Variants in ABCC8 observed in about 807,000 individuals in gnomAD.
The protein encoded by ABCC8 is ATP binding cassette subfamily C member 8, also known as ATP-binding cassette sub-family C member 8.
ABCC8 carries 137 observed loss-of-function variants against 188.0 expected under a neutral mutation model. The ratio of observed to expected loss-of-function variants is 0.73; its 90% CI spans 0.63 to 0.84. The LOEUF (loss-of-function observed/expected upper bound fraction) is 0.84. Among genes scored for constraint, ABCC8 ranks in the 40% least tolerant of loss-of-function variants. The probability of loss-of-function intolerance (pLI) is 0.00; values close to 1 mark genes in which losing one functional copy is unlikely to be tolerated. For synonymous variants in ABCC8, 797 were observed against 846.5 expected, an observed-to-expected ratio of 0.94 and a Z score of 1.01; for missense variants, 1,750 against 2,072.7, an observed-to-expected ratio of 0.84 and a Z score of 3.02.
At position 17,394,367 on chromosome 11, in the gene ABCC8, T is replaced by C; in HGVS notation, c.4444A>G (p.Ser1482Gly). 2 of 1,614,168 alleles carry C rather than the reference T, an allele frequency of 1.2e-6. No homozygotes were observed. The highest frequency in any genetic ancestry group is 8.5e-7 in the Non-Finnish European group (1 of 1,180,038). Residue 1482 changes from serine (S) to glycine (G), a missense_variant, in exon 37 of 39, where the codon AGC becomes GGC. Physicochemically the swap from Ser to Gly is moderately conservative, Grantham distance 56. Coordinates refer to ENST00000389817, the MANE Select transcript of ABCC8 (RefSeq NM_000352.6). Reference sequence around the variant, plus strand: ...CAGAACAGCTGCCTCTGTCCCTGGCTGAAATTCTCCCCGCCTTCTGTGATG... The same window carrying C: ...CAGAACAGCTGCCTCTGTCCCTGGCCGAAATTCTCCCCGCCTTCTGTGATG... ...AIITEGGENF[S>G]QGQRQLFCLA...
chr11:17,470,341 G>A, intron 2 of ABCC8, 119 bp from the exon 3 acceptor site: 1 of 1,539,604 alleles, frequency 6.5e-7, no homozygotes. Context: ...TTTATAGGCT[G>A]CAGGGCCCTT....
chr11:17,466,492 C>T (rs546915836), intron 3 of ABCC8, among the ~76,000 whole-genome samples: 9 of 151,300 alleles, frequency 5.9e-5, no homozygotes, highest in African/African-American at 1.7e-4. Context: ...GAATGGTGGT[C>T]GTCAGGGGCT....
chr11:17,463,309 A>T, intron 4 of ABCC8, 129 bp downstream of exon 4: 4 of 802,294 alleles, frequency 5.0e-6, no homozygotes, highest in Non-Finnish European at 8.1e-6. Context: ...TCCCCTTTAC[A>T]CGGGCGGGTA....
chr11:17,442,172 C>G (rs964493447), intron 10 of ABCC8, among the ~76,000 whole-genome samples: 9 of 152,158 alleles, frequency 5.9e-5, no homozygotes, highest in African/African-American at 1.9e-4. Flanking sequence ...TTTTCTTCTT[C>G]CTTGGCTTGG....
chr11:17,448,386 G>A, intron 8 of ABCC8, 130 bp downstream of exon 8: 1 of 824,960 alleles, frequency 1.2e-6, no homozygotes, highest in Non-Finnish European at 2.1e-6. Flanking sequence ...CTGTGGTATA[G>A]CCAAGTGTGT....
At chr11:17,459,472 T>C (rs1957108680) in intron 6 of ABCC8, among the ~76,000 whole-genome samples, 1 of 152,208 alleles carries the variant, frequency 6.6e-6, no homozygotes, top group Non-Finnish European at 1.5e-5. Flanking sequence ...ACTAATTATG[T>C]CTCCAGAAAA....
intron 24 of ABCC8, 85 bp downstream of exon 24, chr11:17,407,269 C>T: frequency 6.2e-7 from 1 of 1,611,826 alleles, no homozygotes; most frequent in Non-Finnish European, 8.5e-7. Context: ...CACTACTGCA[C>T]CACACCCAGA....
chr11:17,421,917 C>T (rs761071940), intron 16 of ABCC8, among the ~76,000 whole-genome samples: 3 of 152,214 alleles, frequency 2.0e-5, no homozygotes, highest in Non-Finnish European at 4.4e-5. Flanking sequence ...TCCTGGAACT[C>T]CTTCTGGCTG....
intron 16 of ABCC8, among the ~76,000 whole-genome samples, chr11:17,421,340 G>A (rs984748274): frequency 2.0e-5 from 3 of 152,206 alleles, no homozygotes; most frequent in African/African-American, 4.8e-5. Flanking sequence ...ATGGAGAAGA[G>A]GGGTAGTGAA....
chr11:17,465,080 C>T (rs1004525510), intron 3 of ABCC8, among the ~76,000 whole-genome samples: 2 of 152,204 alleles, frequency 1.3e-5, no homozygotes, highest in Admixed American at 6.5e-5. Context: ...CCTTGGGTCC[C>T]TGCAGGAGGA....
At position 17,396,181 on chromosome 11, in the gene ABCC8, T is replaced by TGGTGGGC. The variant is rs1169861829; in HGVS notation, c.4120-252_4120-251insGCCCACC. ...CCATTTGCCTGGGCCTTGGTGTGGGTCTGGGTGTGCCGGGTACTTGGCTGA... is the reference window on the plus strand; with the variant it reads ...CCATTTGCCTGGGCCTTGGTGTGGGTGGTGGGCCTGGGTGTGCCGGGTACTTGGCTGA... On this transcript the variant is annotated intron_variant, in intron 33 of 38. Coordinates refer to ENST00000389817, the MANE Select transcript of ABCC8 (RefSeq NM_000352.6). 1.1e-5 allele frequency: 9 copies of TGGTGGGC among 837,916 alleles called. No individual in the cohort carries two copies. In the African/African-American group the frequency reaches 1.6e-4, roughly 14 times the overall value. The allele number at this position is 837,916 out of a possible 1,614,324, so 51.9% of individuals were successfully genotyped here. A position where few individuals can be genotyped will look rare whatever the true frequency, so the allele number is the denominator to read the frequency against.
In ABCC8 at chr11:17,428,799, A is replaced by G. The variant is rs1416375787; in HGVS notation, c.1818-129T>C. On this transcript the variant is annotated intron_variant, in intron 12 of 38. Transcript: ENST00000389817. ...GTATAGTCCCACAAAGCCCACACTG[A>G]AGGGGGCAGACCAGTGGGCATGGGG... 3.3e-6 allele frequency: 5 copies of G among 1,514,282 alleles called. No individual in the cohort carries two copies. In the African/African-American group the frequency reaches 5.5e-5, roughly 17 times the overall value. 93.8% of individuals were successfully genotyped at this position (1,514,282 alleles called of 1,614,324 possible).
rs182085311 is a variant in ABCC8, at chr11:17,399,043, C to T, written c.3651-602G>A. On this transcript the variant is annotated intron_variant, in intron 29 of 38. Transcript: ENST00000389817. Reference sequence around the variant, plus strand: ...CAGCACTTTGGGAGGCTGAGGCGGGCGGATCACCTGAGGTCAAGAGTTCAA... The same window carrying T: ...CAGCACTTTGGGAGGCTGAGGCGGGTGGATCACCTGAGGTCAAGAGTTCAA... 9.7e-4 allele frequency: 156 copies of T among 160,136 alleles called. 1 individual carries two copies. The Middle Eastern group carries it at 0.013, about 14-fold the overall frequency. 9.9% of individuals were successfully genotyped at this position (160,136 alleles called of 1,614,324 possible). A position where few individuals can be genotyped will look rare whatever the true frequency, so the allele number is the denominator to read the frequency against.
chr11:17,414,935 C>T (rs1591766000), intron 18 of ABCC8, among the ~76,000 whole-genome samples: 2 of 152,110 alleles, frequency 1.3e-5, no homozygotes, highest in African/African-American at 4.8e-5. Flanking sequence ...CTTCTGGCTT[C>T]CTCCCTCTTT....
chr11:17,463,792 C>G (rs1591897732), intron 3 of ABCC8, 188 bp from the exon 4 acceptor site: 1 of 215,966 alleles, frequency 4.6e-6, no homozygotes, highest in Non-Finnish European at 7.9e-6. Context: ...GCACGTACGT[C>G]TTAACATTCA....
rs1471889041 is a variant in ABCC8 at position 17,430,909 on chromosome 11, G to A, written c.1722C>T (p.Ser574=). 16 of 1,614,132 alleles carry A rather than the reference G, an allele frequency of 9.9e-6. No homozygotes were observed. Among genetic ancestry groups the A allele is most frequent in the Non-Finnish European group, 1.2e-5 (14 of 1,180,040 alleles). The change falls in exon 12 of 39, where the codon TCC becomes TCT. Residue 574 remains serine, a synonymous_variant. Coordinates refer to ENST00000389817, the MANE Select transcript of ABCC8 (RefSeq NM_000352.6). ...AGAGGGAGAGGGAGGCAAAGGCCACGGAGGGCGAGAAGTCGGCCTCTTTGA... is the reference window on the plus strand; with the variant it reads ...AGAGGGAGAGGGAGGCAAAGGCCACAGAGGGCGAGAAGTCGGCCTCTTTGA... The part of the protein sequence containing the change: ...SFFKEADFSP[S]VAFASLSLFH...
Position 17,460,613 on chromosome 11 carries a change from C to T in ABCC8, c.886G>A (p.Gly296Arg), listed in dbSNP as rs148529020. ...GTGCTGCTGAGGACCAGGCGCCTCC[C>T]GAAGGCATGGCTGAGTGCCTGCCAG... ...AIWQALSHAFGRRLVLSSTFR... is the reference protein window; with the variant it reads ...AIWQALSHAFRRRLVLSSTFR... The change falls in exon 6 of 39, where the codon GGG becomes AGG. Residue 296 changes from glycine (G) to arginine (R), a missense_variant. Coordinates refer to ENST00000389817, the MANE Select transcript of ABCC8 (RefSeq NM_000352.6). 6.8e-6 allele frequency: 11 copies of T among 1,612,844 alleles called. No homozygotes were observed. Among genetic ancestry groups the T allele is most frequent in the South Asian group, 2.2e-5 (2 of 91,084 alleles).
chr11:17,407,534 T>A, intron 23 of ABCC8, 81 bp from the exon 24 acceptor site: 2 of 1,596,356 alleles, frequency 1.3e-6, no homozygotes, highest in Non-Finnish European at 1.7e-6. Context: ...GTAACTACTC[T>A]GGTGATGACC....
intron 20 of ABCC8, chr11:17,412,959 T>G: frequency 1.9e-6 from 2 of 1,074,628 alleles, no homozygotes; most frequent in Admixed American, 2.6e-5. Flanking sequence ...AGATTCATTG[T>G]GTAGGCGCTA....
Sources: gnomAD v4.1 joint callset for allele counts (sites outside exome capture counted in the v4.1 genomes callset) on GRCh38, gnomAD v4.1.1 for gene constraint, MANE v1.5 for transcripts, NCBI Gene and HGNC (gene_info 2026-07-23, HGNC 2026-07-21) for gene names.